Variants in ATG2A observed in about 807,000 individuals in gnomAD.
ATG2A encodes autophagy-related protein 2 homolog A.
A neutral mutation model predicts 214.2 loss-of-function variants in ATG2A; 103 were observed. That is an observed-to-expected ratio of 0.48 (90% CI 0.41 to 0.57). The LOEUF (loss-of-function observed/expected upper bound fraction) is 0.57, where lower values mean the gene tolerates loss of function less well. ATG2A is among the 20% of genes least tolerant of loss of function. The pLI is 0.00. For missense variants in ATG2A, 2,312 were observed against 2,613.2 expected (o/e 0.88, Z 2.51); for synonymous variants, 1,160 against 1,142.1 (o/e 1.02, Z -0.32).
In ATG2A at chr11:64,910,208, G is replaced by T. The variant is rs917559087; in HGVS notation, c.1708-13C>A. 1 of 1,584,388 alleles carries T rather than the reference G, an allele frequency of 6.3e-7. No homozygotes were observed. Among genetic ancestry groups the T allele is most frequent in the Non-Finnish European group, 8.6e-7 (1 of 1,166,250 alleles). On this transcript the variant is annotated splice_polypyrimidine_tract_variant and intron_variant, in intron 12 of 40. Transcript: ENST00000377264. ...GCCGGGGTCGGCTCTGAGGGCGAGG[G>T]CGTTCAGGTCAGTGAGGGCTGAGTG...
rs1424504267 is a variant in ATG2A at position 64,903,549 on chromosome 11, G to A, written c.3535+41C>T. On this transcript the variant is annotated intron_variant, in intron 25 of 40. Coordinates refer to ENST00000377264, the MANE Select transcript of ATG2A (RefSeq NM_015104.3). This position sits in a 1 kb window ranked among gnomAD's most constrained non-coding sequence, Gnocchi z 4.2. ...TGCTCTGGGTGTGGCCGGGGCGGTG[G>A]TCCCTCAGAGGGGAGGGAGCCCAGT... 2 of 1,522,306 alleles carry A rather than the reference G, an allele frequency of 1.3e-6. No homozygotes were observed. Among genetic ancestry groups the A allele is most frequent in the Non-Finnish European group, 1.8e-6 (2 of 1,128,580 alleles). 94.3% of individuals were successfully genotyped at this position (1,522,306 alleles called of 1,614,324 possible).
At chr11:64,911,005 G>T in intron 10 of ATG2A, 33 bp downstream of exon 10, 2 of 1,613,712 alleles carry the variant, frequency 1.2e-6, no homozygotes, top group Non-Finnish European at 1.7e-6. Flanking sequence ...GGCTCTGATG[G>T]TCTCTCCTCA....
intron 24 of ATG2A, among the ~76,000 whole-genome samples, chr11:64,904,117 G>A (rs1944455251): frequency 6.6e-6 from 1 of 151,900 alleles, no homozygotes; most frequent in Admixed American, 6.6e-5. Context: ...ATGGTGGCGG[G>A]TGCCTGTAAT....
Position 64,902,670 on chromosome 11 carries a change from A to G in ATG2A, c.3623T>C (p.Leu1208Pro). Reference sequence around the variant, plus strand: ...ATTGTTGGAGCAGCGCAGCTCGAATAGTGGCTGGCTCTGCAGGGGCGGGGT... The same window carrying G: ...ATTGTTGGAGCAGCGCAGCTCGAATGGTGGCTGGCTCTGCAGGGGCGGGGT... ...GSTEGKLSQP[L>P]FELRCSNNVV... is the part of the protein sequence containing the mutation. The change falls in exon 27 of 41, where the codon CTA becomes CCA. Residue 1208 changes from leucine (L) to proline (P), a missense_variant. Leu to Pro is a moderately conservative substitution (Grantham distance 98). Coordinates refer to ENST00000377264, the MANE Select transcript of ATG2A (RefSeq NM_015104.3). 1.2e-6 allele frequency: 2 copies of G among 1,608,424 alleles called. No individual in the cohort carries two copies. The highest frequency in any genetic ancestry group is 1.7e-6 in the Non-Finnish European group (2 of 1,178,178).
At position 64,897,499 on chromosome 11, in the gene ATG2A, G is replaced by T. The variant is rs1257208555; in HGVS notation, c.5068-5C>A. The T allele has an allele frequency of 6.3e-7, 1 of 1,581,894 alleles. No individual in the cohort carries two copies. The highest frequency in any genetic ancestry group is 8.6e-7 in the Non-Finnish European group (1 of 1,163,932). On this transcript the variant is annotated splice_polypyrimidine_tract_variant and splice_region_variant and intron_variant, in intron 36 of 40. Transcript: ENST00000377264. ...GAGGAGGCCAGCAAAAGTGCCCTGG[G>T]AGAGGGAGGGGGTCCAGGTTTACCC...
chr11:64,902,247 ACC>A lies in ATG2A; in HGVS notation c.3904+11_3904+12del. ...TGACTGTGTCTGCTGTCCCCACAGCACCCCCACTTCACCTGAAGGCTGGGCCA... is the reference window on the plus strand; with the variant it reads ...TGACTGTGTCTGCTGTCCCCACAGCACCCACTTCACCTGAAGGCTGGGCCA... On this transcript the variant is annotated intron_variant, in intron 28 of 40. Transcript: ENST00000377264. 1 of 1,612,954 alleles carries A rather than the reference ACC, an allele frequency of 6.2e-7. No homozygotes were observed. Among genetic ancestry groups the A allele is most frequent in the Non-Finnish European group, 8.5e-7 (1 of 1,179,926 alleles).
rs373062101 is a variant in ATG2A at position 64,914,232 on chromosome 11, C to T, written c.336G>A (p.Ala112=). The change falls in exon 3 of 41, where the codon GCG becomes GCA. Residue 112 remains alanine (A), a splice_region_variant and synonymous_variant. Coordinates refer to ENST00000377264, the MANE Select transcript of ATG2A (RefSeq NM_015104.3). ...QLTLQPRRGP[A]PGAADSQSWA... ...AGCTCTGTGAGTCGGCAGCCCCTGGCGCTGTAGGGAGAAACAGGGTCTCAA... is the reference window on the plus strand; with the variant it reads ...AGCTCTGTGAGTCGGCAGCCCCTGGTGCTGTAGGGAGAAACAGGGTCTCAA... The T allele has an allele frequency of 9.7e-6, 15 of 1,550,802 alleles. No individual in the cohort carries two copies. Among genetic ancestry groups the T allele is most frequent in the South Asian group, 1.2e-5 (1 of 84,008 alleles).
chr11:64,902,409 A>G, intron 27 of ATG2A, 23 bp from the exon 28 acceptor site: 2 of 1,543,788 alleles, frequency 1.3e-6, no homozygotes, highest in Non-Finnish European at 1.7e-6. Context: ...GGGGAGGAGC[A>G]ATGAGTGAGA....
At chr11:64,905,987 C>T (rs1390427158) in intron 22 of ATG2A, 126 bp downstream of exon 22, 73 of 1,383,062 alleles carry the variant, frequency 5.3e-5, no homozygotes, top group East Asian at 3.2e-4. Context: ...CCAGGAGCTC[C>T]GGACAAGGTC....
intron 12 of ATG2A, 108 bp from the exon 13 acceptor site, chr11:64,910,303 G>C (rs1351387311): frequency 1.8e-5 from 26 of 1,438,544 alleles, no homozygotes; most frequent in Non-Finnish European, 2.3e-5. Context: ...GGCCACGAGA[G>C]CACTAAGAAG....
intron 31 of ATG2A, among the ~76,000 whole-genome samples, chr11:64,899,631 A>G (rs1434202826): frequency 6.6e-6 from 1 of 151,978 alleles, no homozygotes; most frequent in Non-Finnish European, 1.5e-5. Flanking sequence ...CACTCTCTGT[A>G]TCTCACACAC....
intron 31 of ATG2A, among the ~76,000 whole-genome samples, chr11:64,899,139 A>T (rs909229171): frequency 6.6e-6 from 1 of 152,146 alleles, no homozygotes; most frequent in Non-Finnish European, 1.5e-5. Context: ...TCCTGGCCTC[A>T]AGTGATCTGC....
rs957048205 is a variant in ATG2A at position 64,895,922 on chromosome 11, C to T, written c.5428-480G>A. On this transcript the variant is annotated intron_variant, in intron 39 of 40. Coordinates refer to ENST00000377264, the MANE Select transcript of ATG2A (RefSeq NM_015104.3). This position sits in a 1 kb window ranked among gnomAD's most constrained non-coding sequence, Gnocchi z 5.0. ...GGGGCTCCCTGGTGCCCATGCATCCCTCCCACCTCCCCTGGAGCCCTGCCC... is the reference window on the plus strand; with the variant it reads ...GGGGCTCCCTGGTGCCCATGCATCCTTCCCACCTCCCCTGGAGCCCTGCCC... Among the ~76,000 whole-genome samples, 1 of 152,190 alleles carries T rather than the reference C, an allele frequency of 6.6e-6. No homozygotes were observed. Among genetic ancestry groups the T allele is most frequent in the Non-Finnish European group, 1.5e-5 (1 of 68,024 alleles).
chr11:64,905,866 G>A lies in ATG2A; in HGVS notation c.3265-18C>T. 6.2e-7 allele frequency: 1 copy of A among 1,610,056 alleles called. No homozygotes were observed. The highest frequency in any genetic ancestry group is 8.5e-7 in the Non-Finnish European group (1 of 1,177,520). On this transcript the variant is annotated intron_variant, in intron 22 of 40. Coordinates refer to ENST00000377264, the MANE Select transcript of ATG2A (RefSeq NM_015104.3). ...TCCAACAACTTCAGAGGCCAGGGCA[G>A]GAGGAAGCAGTGAGGATCAGGTGGT...
intron 1 of ATG2A, 145 bp downstream of exon 1, chr11:64,916,820 T>G (rs1590667472): frequency 1.9e-6 from 2 of 1,055,012 alleles, no homozygotes; most frequent in Admixed American, 2.8e-5. Context: ...CCAGCCGGGG[T>G]GCCTCTGACG....
chr11:64,900,710 C>A, intron 30 of ATG2A, 81 bp from the exon 31 acceptor site: 1 of 1,475,158 alleles, frequency 6.8e-7, no homozygotes, highest in East Asian at 2.4e-5. Flanking sequence ...TAGCCTGGGA[C>A]AAGAGACCCC....
Position 64,914,160 on chromosome 11 carries a change from C to T in ATG2A, c.408G>A (p.Leu136=). ...TTSLQLAQEC[L]RDGLPEPSEP... ...CAGAGGGCTCCGGTAGCCCATCCCG[C>T]AGACACTCCTGGGCCAGCTGCAGGC... The change falls in exon 3 of 41, where the codon CTG becomes CTA. Residue 136 remains leucine (L), a synonymous_variant. Transcript: ENST00000377264. 4 of 1,552,930 alleles carry T rather than the reference C, an allele frequency of 2.6e-6. No individual in the cohort carries two copies. The highest frequency in any genetic ancestry group is 3.5e-6 in the Non-Finnish European group (4 of 1,148,058).
rs1484275659 is a variant in ATG2A at position 64,914,475 on chromosome 11, A to G, written c.197T>C (p.Met66Thr). 30 of 1,612,832 alleles carry G rather than the reference A, an allele frequency of 1.9e-5. No individual in the cohort carries two copies. Among genetic ancestry groups the G allele is most frequent in the Non-Finnish European group, 2.5e-5 (30 of 1,179,780 alleles). The stretch of plus-strand genomic sequence containing the variant: ...TTCCACCAGCTCCAGCGGTGACTCC[A>G]TTGACTCCAGCACCTCGTTCACAGA... ...IWSVNEVLES[M>T]ESPLELVEGF... Residue 66 changes from methionine (M) to threonine (T), a missense_variant, in exon 2 of 41, where the codon ATG (methionine) becomes ACG (threonine). Transcript: ENST00000377264.
Position 64,909,892 on chromosome 11 carries a change from C to G in ATG2A, c.1896G>C (p.Thr632=), listed in dbSNP as rs149370775. The change falls in exon 14 of 41, where the codon ACG becomes ACC. Residue 632 remains threonine, a synonymous_variant. Transcript: ENST00000377264. The part of the protein sequence containing the change: ...TEPLPAMEQQ[T]VFRLSAPRAT... The stretch of plus-strand genomic sequence containing the variant: ...CCCGGGGTGCAGAGAGCCGAAATAC[C>G]GTCTGCTGCTCCATCGCCGGCAGGG... 320 of 1,606,818 alleles carry G rather than the reference C, an allele frequency of 2.0e-4. No individual in the cohort carries two copies. Among genetic ancestry groups the G allele is most frequent in the Middle Eastern group, 2.0e-3 (12 of 6,048 alleles).
Sources: gnomAD v4.1 joint callset for allele counts (sites outside exome capture counted in the v4.1 genomes callset) on GRCh38, gnomAD v4.1.1 for gene constraint, Gnocchi (gnomAD v3.1) non-coding constraint, MANE v1.5 for transcripts, NCBI Gene and HGNC (gene_info 2026-07-23, HGNC 2026-07-21) for gene names.